Variants in CDH1 observed in about 807,000 individuals in gnomAD.
CDH1 encodes the protein cadherin 1.
In CDH1, 35 loss-of-function variants were observed where a neutral mutation model predicts 84.5. That is an observed-to-expected ratio of 0.41 (90% CI 0.32 to 0.55). The LOEUF is 0.55. Ranked by LOEUF, CDH1 falls within the 20% of genes least tolerant of loss-of-function variation. The pLI is 0.19. For synonymous variants in CDH1, 417 were observed against 439.0 expected (o/e 0.95, Z 0.63); for missense variants, 994 against 1,126.6 (o/e 0.88, Z 1.68).
chr16:68,806,310 C>T (rs139042582), intron 3 of CDH1, among the ~76,000 whole-genome samples: 2,397 of 151,986 alleles, frequency 0.016, 65 homozygotes, highest in African/African-American at 0.055. Flanking sequence ...CCACCATGCC[C>T]GGCTAATTTT....
At chr16:68,822,494 C>T in intron 12 of CDH1, 1 of 563,512 alleles carries the variant, frequency 1.8e-6, no homozygotes, top group South Asian at 1.9e-5. Context: ...CCCCTCTCCA[C>T]TTGCAACCAG....
At chr16:68,765,963 CTATAATTT>C (rs977716469) in intron 2 of CDH1, among the ~76,000 whole-genome samples, 1 of 152,064 alleles carries the variant, frequency 6.6e-6, no homozygotes, top group Non-Finnish European at 1.5e-5. Context: ...ATCACCCCTA[CTATAATTT>C]TATATCGGCC....
At chr16:68,742,323 A>G (rs1482793328) in intron 2 of CDH1, among the ~76,000 whole-genome samples, 2 of 150,112 alleles carry the variant, frequency 1.3e-5, no homozygotes, top group Admixed American at 1.3e-4. Context: ...TCTGTTGCCC[A>G]GACTGGAGTG....
At chr16:68,783,388 C>CA (rs375080273) in intron 2 of CDH1, among the ~76,000 whole-genome samples, 4,630 of 61,224 alleles carry the variant, frequency 0.076, 115 homozygotes, top group Middle Eastern at 0.12. Context: ...CAGAGTATCT[C>CA]AAAAAAAAAA....
Position 68,825,793 on chromosome 16 carries a change from T to C in CDH1, c.2164+2167T>C, listed in dbSNP as rs947163304. ...TGGTTACTGACCAGTACATTCATTC[T>C]AAAGGGAATCTTTTTTTTTTTTTTT... On this transcript the variant is annotated intron_variant, in intron 13 of 15. Coordinates refer to ENST00000261769, the MANE Select transcript of CDH1 (RefSeq NM_004360.5). Among the ~76,000 whole-genome samples, 14 of 148,384 alleles carry C rather than the reference T, an allele frequency of 9.4e-5. No individual in the cohort carries two copies. In the East Asian group the frequency reaches 2.6e-3, roughly 28 times the overall value.
intron 2 of CDH1, among the ~76,000 whole-genome samples, chr16:68,743,877 C>T (rs554153079): frequency 5.9e-5 from 9 of 152,272 alleles, no homozygotes; most frequent in Middle Eastern, 3.4e-3. Flanking sequence ...TAAAATGGGG[C>T]GGTAATACTT....
intron 2 of CDH1, chr16:68,763,572 A>C (rs1273136892): frequency 1.3e-5 from 2 of 152,238 alleles, no homozygotes; most frequent in Admixed American, 6.5e-5. Flanking sequence ...CTGGAAGTCA[A>C]CTGTGGGACC....
chr16:68,813,560 CT>C (rs1353422660), intron 9 of CDH1, 65 bp downstream of exon 9: 10 of 1,482,828 alleles, frequency 6.7e-6, no homozygotes, highest in Non-Finnish European at 9.4e-6. Context: ...CCCTTGTCCC[CT>C]GGTATCTTCT....
intron 2 of CDH1, among the ~76,000 whole-genome samples, chr16:68,796,764 GA>G (rs35199353): frequency 4.7e-5 from 7 of 148,722 alleles, no homozygotes; most frequent in South Asian, 4.2e-4. Flanking sequence ...TTTTTGTCAT[GA>G]AAAAAAAAAG....
chr16:68,808,894 C>T (rs2152130389), intron 5 of CDH1, 46 bp downstream of exon 5: 2 of 1,605,588 alleles, frequency 1.2e-6, no homozygotes, highest in East Asian at 2.2e-5. Flanking sequence ...AACATCCACC[C>T]AGGATTTTTT....
intron 2 of CDH1, among the ~76,000 whole-genome samples, chr16:68,753,178 A>C (rs1314243038): frequency 7.7e-6 from 1 of 129,244 alleles, no homozygotes; most frequent in African/African-American, 3.1e-5. Context: ...GCGCCACTGC[A>C]CTCCAGCCTG....
At position 68,743,281 on chromosome 16, in the gene CDH1, CTCTTTCTTTCTTTCTTTCTTTCTTTCTT is replaced by C. The variant is rs751271382; in HGVS notation, c.163+4928_163+4955del. On this transcript the variant is annotated intron_variant, in intron 2 of 15. Transcript: ENST00000261769. ...TGTCCCAATCCAATCCTTGCTGGGT[CTCTTTCTTTCTTTCTTTCTTTCTTTCTT>C]TCTTTCTTTCTTTCTTTCTTTCTTT... 2.9e-3 allele frequency among the ~76,000 whole-genome samples: 398 copies of C among 135,672 alleles called. 21 individuals are homozygous for C. The highest frequency in any genetic ancestry group is 7.1e-3 in the African/African-American group (256 of 36,262). 89.0% of individuals were successfully genotyped at this position (135,672 alleles called of 152,430 possible).
At chr16:68,763,717 A>G (rs1959290885) in intron 2 of CDH1, among the ~76,000 whole-genome samples, 1 of 152,248 alleles carries the variant, frequency 6.6e-6, no homozygotes, top group Non-Finnish European at 1.5e-5. Flanking sequence ...GCAGTTGTTT[A>G]TAGGCCTTTG....
chr16:68,767,311 C>T (rs1343909557), intron 2 of CDH1, among the ~76,000 whole-genome samples: 1 of 152,090 alleles, frequency 6.6e-6, no homozygotes, highest in Non-Finnish European at 1.5e-5. Context: ...TCTCCCGCCT[C>T]AGCCTCCCGA....
At chr16:68,806,830 A>G (rs1330169356) in intron 3 of CDH1, among the ~76,000 whole-genome samples, 1 of 152,180 alleles carries the variant, frequency 6.6e-6, no homozygotes, top group Non-Finnish European at 1.5e-5. Flanking sequence ...AGACAAACAC[A>G]GGATGTAGAG....
chr16:68,738,350 C>G lies in CDH1; in HGVS notation c.102C>G (p.Ala34=), dbSNP rs864622213. The change falls in exon 2 of 16, where the codon GCC becomes GCG. Residue 34 remains alanine, a synonymous_variant. Coordinates refer to ENST00000261769, the MANE Select transcript of CDH1 (RefSeq NM_004360.5). ...EPEPCHPGFD[A]ESYTFTVPRR... ...AGCCCTGCCACCCTGGCTTTGACGC[C>G]GAGAGCTACACGTTCACGGTGCCCC... The G allele has an allele frequency of 2.6e-6, 4 of 1,551,376 alleles. No individual in the cohort carries two copies. Among genetic ancestry groups the G allele is most frequent in the Non-Finnish European group, 3.5e-6 (4 of 1,146,838 alleles).
intron 2 of CDH1, among the ~76,000 whole-genome samples, chr16:68,755,711 C>G (rs1053282937): frequency 1.3e-5 from 2 of 152,076 alleles, no homozygotes; most frequent in Non-Finnish European, 2.9e-5. Flanking sequence ...CACTCCCCAC[C>G]CCTCAGCATG....
At chr16:68,757,548 A>C (rs1775221830) in intron 2 of CDH1, among the ~76,000 whole-genome samples, 1 of 152,152 alleles carries the variant, frequency 6.6e-6, no homozygotes, top group African/African-American at 2.4e-5. Flanking sequence ...TTTACTTGCC[A>C]GATGTGAGGT....
intron 2 of CDH1, among the ~76,000 whole-genome samples, chr16:68,758,593 G>T (rs188428160): frequency 1.2e-3 from 181 of 145,680 alleles, no homozygotes; most frequent in Non-Finnish European, 1.8e-3. Context: ...CTCAAGAATC[G>T]ATCTCTAAAA....
Sources: gnomAD v4.1 joint callset for allele counts (sites outside exome capture counted in the v4.1 genomes callset) on GRCh38, gnomAD v4.1.1 for gene constraint, MANE v1.5 for transcripts, NCBI Gene and HGNC (gene_info 2026-07-23, HGNC 2026-07-21) for gene names.